Variants in FLI1 observed in about 807,000 individuals in gnomAD.
The protein encoded by FLI1 is Friend leukemia integration 1 transcription factor.
FLI1 carries 13 observed loss-of-function variants against 53.1 expected under a neutral mutation model. The ratio of observed to expected loss-of-function variants is 0.24; its 90% CI spans 0.16 to 0.39. The LOEUF is 0.39. Ranked by LOEUF, FLI1 falls within the 10% of genes least tolerant of loss-of-function variation. FLI1 has a pLI of 1.00. For synonymous variants in FLI1, 244 were observed against 236.7 expected, an observed-to-expected ratio of 1.03 and a Z score of -0.28; for missense variants, 424 against 600.5, an observed-to-expected ratio of 0.71 and a Z score of 3.07.
At position 128,719,008 on chromosome 11, in the gene FLI1, T is replaced by A. The variant is rs562887316; in HGVS notation, c.18+24732T>A. On this transcript the variant is annotated intron_variant, in intron 1 of 8. Transcript: ENST00000527786. ...TATTTTGAAACTTCCGTTTCTGATC[T>A]CAGAACCTGGAAGTAAAGAGCTGTT... 5.3e-5 allele frequency among the ~76,000 whole-genome samples: 8 copies of A among 152,362 alleles called. No homozygotes were observed. The South Asian group carries it at 1.7e-3, about 32-fold the overall frequency.
intron 4 of FLI1, among the ~76,000 whole-genome samples, chr11:128,774,655 C>T (rs1402300480): frequency 6.6e-6 from 1 of 152,160 alleles, no homozygotes; most frequent in African/African-American, 2.4e-5. Context: ...AGACAGCATG[C>T]TCTGAACTGT....
intron 1 of FLI1, among the ~76,000 whole-genome samples, chr11:128,749,611 G>A (rs1037553031): frequency 6.6e-6 from 1 of 152,154 alleles, no homozygotes; most frequent in African/African-American, 2.4e-5. Context: ...GAGTTCAAGG[G>A]GGAAGAAAAT....
chr11:128,782,284 A>G (rs571858982), intron 5 of FLI1, among the ~76,000 whole-genome samples: 1 of 152,358 alleles, frequency 6.6e-6, no homozygotes, highest in African/African-American at 2.4e-5. Context: ...TTACTTTTAG[A>G]AAAAAATGAA....
chr11:128,708,319 A>G lies in FLI1; in HGVS notation c.18+14043A>G, dbSNP rs1380070746. On this transcript the variant is annotated intron_variant, in intron 1 of 8. Transcript: ENST00000527786. ...GTGGATTGGCATTTTCCATATGCTA[A>G]CACTACTTTTAACTCCCTTCTGATT... Among the ~76,000 whole-genome samples the G allele has an allele frequency of 2.0e-5, 3 of 152,222 alleles. No individual in the cohort carries two copies. The East Asian group carries it at 5.8e-4, about 29-fold the overall frequency.
At chr11:128,808,433 T>C (rs946239481) in intron 7 of FLI1, among the ~76,000 whole-genome samples, 18 of 152,220 alleles carry the variant, frequency 1.2e-4, no homozygotes, top group African/African-American at 4.1e-4. Context: ...TTGCAAAGAC[T>C]TTTTCATGGC....
chr11:128,776,524 G>T (rs185346947), intron 4 of FLI1, among the ~76,000 whole-genome samples: 10 of 152,248 alleles, frequency 6.6e-5, no homozygotes, highest in Middle Eastern at 3.4e-3. Context: ...GGTGGTGGGC[G>T]CCTGTAATCC....
intron 1 of FLI1, among the ~76,000 whole-genome samples, chr11:128,731,927 C>T (rs1035188774): frequency 6.6e-6 from 1 of 151,016 alleles, no homozygotes; most frequent in Admixed American, 6.6e-5. Flanking sequence ...CACTTCGAAC[C>T]GGGAGGCGGA....
intron 2 of FLI1, among the ~76,000 whole-genome samples, chr11:128,764,320 C>T (rs1941247128): frequency 6.6e-6 from 1 of 152,218 alleles, no homozygotes; most frequent in South Asian, 2.1e-4. Flanking sequence ...ACAAACAGAA[C>T]TCGAGGAGTC....
chr11:128,793,935 G>T (rs555171796), intron 5 of FLI1, among the ~76,000 whole-genome samples: 1 of 152,260 alleles, frequency 6.6e-6, no homozygotes, highest in South Asian at 2.1e-4. Context: ...GCACTGCCAA[G>T]GAGGGGCTTT....
intron 1 of FLI1, among the ~76,000 whole-genome samples, chr11:128,709,805 C>T (rs933237806): frequency 1.3e-5 from 2 of 152,152 alleles, no homozygotes; most frequent in African/African-American, 2.4e-5. Flanking sequence ...TATTATCTTC[C>T]CCATGTCCTT....
chr11:128,719,793 A>G (rs1939181066), intron 1 of FLI1, among the ~76,000 whole-genome samples: 2 of 152,204 alleles, frequency 1.3e-5, no homozygotes, highest in African/African-American at 2.4e-5. Flanking sequence ...GGGCAAGGAA[A>G]AAGGGAGGAG....
At chr11:128,777,144 C>T (rs1202850269) in intron 4 of FLI1, among the ~76,000 whole-genome samples, 1 of 152,162 alleles carries the variant, frequency 6.6e-6, no homozygotes, top group Non-Finnish European at 1.5e-5. Context: ...TTTGTCCCTT[C>T]TCAGGCCAAG....
chr11:128,813,032 A>G lies in FLI1; in HGVS notation c.*2044A>G. ...CTTAGGGTAACACTAAGTACCTTCT[A>G]GACAACATGTCTACCTAAATGAAAT... On this transcript the variant is annotated 3_prime_UTR_variant, in exon 9 of 9. Transcript: ENST00000527786. The G allele has an allele frequency of 5.9e-6, 1 of 168,668 alleles. No individual in the cohort carries two copies. The highest frequency in any genetic ancestry group is 1.3e-5 in the Non-Finnish European group (1 of 77,892). 10.4% of individuals were successfully genotyped at this position (168,668 alleles called of 1,614,324 possible).
intron 1 of FLI1, among the ~76,000 whole-genome samples, chr11:128,750,681 GC>G (rs1940606507): frequency 6.6e-6 from 1 of 152,152 alleles, no homozygotes; most frequent in Non-Finnish European, 1.5e-5. Context: ...TATCGGCCAG[GC>G]CACTGTGCGG....
chr11:128,807,052 A>G (rs1300159564), intron 6 of FLI1, 128 bp from the exon 7 acceptor site: 5 of 465,888 alleles, frequency 1.1e-5, no homozygotes, highest in African/African-American at 2.0e-5. Context: ...TGTTTCTAAA[A>G]TAAGATGAAT....
intron 1 of FLI1, among the ~76,000 whole-genome samples, chr11:128,704,992 G>A (rs1490936115): frequency 6.6e-6 from 1 of 152,136 alleles, no homozygotes; most frequent in Non-Finnish European, 1.5e-5. Context: ...GAAGAGATTG[G>A]GTAAGTTACT....
At chr11:128,770,148 C>T (rs910812921) in intron 3 of FLI1, among the ~76,000 whole-genome samples, 1 of 152,192 alleles carries the variant, frequency 6.6e-6, no homozygotes. Context: ...TGTCGACCCT[C>T]CAAACTTTCT....
chr11:128,775,905 G>T (rs182334386), intron 4 of FLI1, among the ~76,000 whole-genome samples: 42 of 152,332 alleles, frequency 2.8e-4, no homozygotes, highest in African/African-American at 9.9e-4. Context: ...AAAGTTGATA[G>T]AGCAGAATCG....
intron 1 of FLI1, among the ~76,000 whole-genome samples, chr11:128,751,207 T>G (rs1463733134): frequency 1.3e-5 from 2 of 152,238 alleles, no homozygotes; most frequent in Non-Finnish European, 2.9e-5. Context: ...AATCTACTTA[T>G]TAGTAGTTTA....
Sources: allele counts gnomAD v4.1 joint callset (sites outside exome capture counted in the v4.1 genomes callset), GRCh38; gene constraint gnomAD v4.1.1; transcripts MANE v1.5; gene names NCBI Gene and HGNC (gene_info 2026-07-23, HGNC 2026-07-21).